Variants in PARD3B observed in about 807,000 individuals in gnomAD.
The protein encoded by PARD3B is par-3 family cell polarity regulator beta, also known as partitioning defective 3 homolog B.
PARD3B carries 103 observed loss-of-function variants against 130.2 expected under a neutral mutation model. The observed-to-expected ratio is 0.79, with a 90% confidence interval of 0.67 to 0.93. The LOEUF is 0.93. Ranked by LOEUF, PARD3B falls within the 40% of genes least tolerant of loss-of-function variation. The pLI is 0.00. For missense variants in PARD3B, 1,609 were observed against 1,499.2 expected, an observed-to-expected ratio of 1.07 and a Z score of -1.21; for synonymous variants, 583 against 553.2, an observed-to-expected ratio of 1.05 and a Z score of -0.76.
At chr2:204,614,624 T>G (rs776496994) in intron 1 of PARD3B, among the ~76,000 whole-genome samples, 3 of 152,102 alleles carry the variant, frequency 2.0e-5, no homozygotes, top group Non-Finnish European at 4.4e-5. Context: ...GTAATCCCCA[T>G]TGTTGGAGGT....
chr2:205,491,651 G>C (rs1328524519), intron 20 of PARD3B, among the ~76,000 whole-genome samples: 1 of 151,992 alleles, frequency 6.6e-6, no homozygotes, highest in Non-Finnish European at 1.5e-5. Flanking sequence ...TGATTCATTG[G>C]GTCAAGGTCC....
chr2:204,966,007 T>C (rs2125856580), intron 3 of PARD3B, among the ~76,000 whole-genome samples: 1 of 152,320 alleles, frequency 6.6e-6, no homozygotes, highest in African/African-American at 2.4e-5. Context: ...TTCAAACAAC[T>C]TTTTATGCCT....
intron 15 of PARD3B, among the ~76,000 whole-genome samples, chr2:205,219,729 G>A (rs1454598394): frequency 6.6e-6 from 1 of 152,166 alleles, no homozygotes; most frequent in Non-Finnish European, 1.5e-5. Flanking sequence ...TGGGTAGCTT[G>A]AGTTACTACG....
intron 2 of PARD3B, among the ~76,000 whole-genome samples, chr2:204,945,329 C>G (rs1336795896): frequency 6.6e-6 from 1 of 152,198 alleles, no homozygotes; most frequent in South Asian, 2.1e-4. Flanking sequence ...ATGAAATCAC[C>G]AGGATATAGA....
At chr2:205,386,061 T>A (rs2045650522) in intron 18 of PARD3B, among the ~76,000 whole-genome samples, 1 of 152,204 alleles carries the variant, frequency 6.6e-6, no homozygotes, top group South Asian at 2.1e-4. Flanking sequence ...TTTTATATAT[T>A]CTACAAATTT....
intron 2 of PARD3B, among the ~76,000 whole-genome samples, chr2:204,896,952 C>A (rs1199983316): frequency 6.6e-6 from 1 of 152,142 alleles, no homozygotes; most frequent in Non-Finnish European, 1.5e-5. Context: ...TAGTAAATTG[C>A]ATCTGTACAG....
chr2:205,219,542 T>C (rs2038127250), intron 15 of PARD3B, among the ~76,000 whole-genome samples: 1 of 152,228 alleles, frequency 6.6e-6, no homozygotes, highest in Admixed American at 6.5e-5. Flanking sequence ...CAGTATTATG[T>C]ACTTCAATTC....
At chr2:204,940,476 G>GTT (rs11314705) in intron 2 of PARD3B, among the ~76,000 whole-genome samples, 4 of 145,492 alleles carry the variant, frequency 2.7e-5, no homozygotes, top group African/African-American at 5.0e-5. Context: ...TAACTTGAGA[G>GTT]TTTTTTTTTT....
chr2:205,234,678 T>A (rs1481466579), intron 15 of PARD3B, among the ~76,000 whole-genome samples: 3 of 152,178 alleles, frequency 2.0e-5, no homozygotes, highest in Non-Finnish European at 4.4e-5. Flanking sequence ...AACAATATTA[T>A]CAACTATCTT....
intron 15 of PARD3B, among the ~76,000 whole-genome samples, chr2:205,228,953 T>C (rs1436907452): frequency 6.6e-6 from 1 of 152,238 alleles, no homozygotes; most frequent in African/African-American, 2.4e-5. Context: ...TTTGATTCTT[T>C]TTAATTATTT....
chr2:205,229,149 G>A lies in PARD3B; in HGVS notation c.2141-16629G>A, dbSNP rs2038709762. Among the ~76,000 whole-genome samples the A allele has an allele frequency of 6.6e-6, 1 of 152,294 alleles. No homozygotes were observed. The highest frequency in any genetic ancestry group is 1.9e-4 in the East Asian group (1 of 5,182). ...CGTTTGGTGAAGTCATGTTTTCCTG[G>A]ATGGTCTTGAGGCTTGTGATTGTTT... On this transcript the variant is annotated intron_variant, in intron 15 of 22. Transcript: ENST00000406610. The surrounding 1 kb of genome is among the most constrained non-coding windows in gnomAD (Gnocchi z 5.2).
intron 4 of PARD3B, among the ~76,000 whole-genome samples, chr2:205,097,381 A>G (rs1559433482): frequency 6.6e-6 from 1 of 152,164 alleles, no homozygotes; most frequent in Non-Finnish European, 1.5e-5. Context: ...CTAACACAAC[A>G]TGTAAAAGGA....
At chr2:205,557,465 CAG>C in intron 22 of PARD3B, among the ~76,000 whole-genome samples, 1 of 152,292 alleles carries the variant, frequency 6.6e-6, no homozygotes, top group African/African-American at 2.4e-5. Context: ...TCCTGCAGCT[CAG>C]AGTCCTGCAT....
intron 2 of PARD3B, among the ~76,000 whole-genome samples, chr2:204,713,249 T>C (rs901502574): frequency 2.6e-5 from 4 of 151,974 alleles, no homozygotes; most frequent in African/African-American, 9.7e-5. Context: ...TTGAGATAAG[T>C]ATTTTTATAA....
chr2:204,716,929 T>A (rs766798622), intron 2 of PARD3B, among the ~76,000 whole-genome samples: 7 of 152,194 alleles, frequency 4.6e-5, no homozygotes, highest in Non-Finnish European at 8.8e-5. Context: ...GCCCAGCAAC[T>A]GCTTTTGCAC....
At chr2:205,423,403 C>T (rs944039943) in intron 19 of PARD3B, among the ~76,000 whole-genome samples, 3 of 152,102 alleles carry the variant, frequency 2.0e-5, no homozygotes, top group Non-Finnish European at 2.9e-5. Flanking sequence ...CTCATGTGTC[C>T]CTGGTCCTTT....
At chr2:204,595,978 A>G (rs991240884) in intron 1 of PARD3B, among the ~76,000 whole-genome samples, 2 of 152,262 alleles carry the variant, frequency 1.3e-5, no homozygotes, top group African/African-American at 4.8e-5. Flanking sequence ...AGATGCTGCA[A>G]GCAAAACATG....
At chr2:205,571,982 C>T (rs963201958) in intron 22 of PARD3B, among the ~76,000 whole-genome samples, 1 of 152,174 alleles carries the variant, frequency 6.6e-6, no homozygotes, top group African/African-American at 2.4e-5. Flanking sequence ...TTTGTGTTAA[C>T]TGGGCAGCTC....
chr2:205,021,405 C>T lies in PARD3B; in HGVS notation c.395-26176C>T, dbSNP rs114452491. Reference sequence around the variant, plus strand: ...GTAGATTTTCCTGATTCTGGGCATGCATTGGGACCACAGGTTATGGTGGCT... The same window carrying T: ...GTAGATTTTCCTGATTCTGGGCATGTATTGGGACCACAGGTTATGGTGGCT... On this transcript the variant is annotated intron_variant, in intron 3 of 22. Coordinates refer to ENST00000406610, the MANE Select transcript of PARD3B (RefSeq NM_001302769.2). This position sits in a 1 kb window ranked among gnomAD's most constrained non-coding sequence, Gnocchi z 4.5. 2.2e-3 allele frequency among the ~76,000 whole-genome samples: 336 copies of T among 152,200 alleles called. 1 individual carries two copies. The highest frequency in any genetic ancestry group is 7.8e-3 in the African/African-American group (325 of 41,526).
Sources: allele counts gnomAD v4.1 joint callset (sites outside exome capture counted in the v4.1 genomes callset), GRCh38; gene constraint gnomAD v4.1.1; non-coding constraint Gnocchi (gnomAD v3.1); transcripts MANE v1.5; gene names NCBI Gene and HGNC (gene_info 2026-07-23, HGNC 2026-07-21).